Variants in KLF7 observed in about 807,000 individuals in gnomAD.
KLF7 encodes KLF transcription factor 7.
Under a neutral mutation model 27.3 loss-of-function variants are expected in KLF7, and 2 were observed. The ratio of observed to expected loss-of-function variants is 0.07; its 90% CI spans 0.03 to 0.23. KLF7 has a LOEUF of 0.23. Among genes scored for constraint, KLF7 ranks in the 10% least tolerant of loss-of-function variants. The pLI, the probability that KLF7 is intolerant of heterozygous loss-of-function variation, is 1.00. For missense variants in KLF7, 221 were observed against 394.1 expected (o/e 0.56, Z 3.72); for synonymous variants, 165 against 162.4 (o/e 1.02, Z -0.12).
intron 1 of KLF7, 133 bp downstream of exon 1, chr2:207,165,334 C>T (rs367722003): frequency 5.4e-6 from 7 of 1,299,816 alleles, no homozygotes; most frequent in Middle Eastern, 1.9e-4. Context: ...ACATTTTCAA[C>T]AACAGACAGC....
upstream of KLF7, among the ~76,000 whole-genome samples, chr2:207,168,395 T>G (rs886404726): frequency 2.5e-4 from 38 of 152,188 alleles, no homozygotes; most frequent in Middle Eastern, 3.2e-3. Flanking sequence ...TCCCCAACTT[T>G]ATGGATGAAG....
Position 207,079,926 on chromosome 2 carries a change from C to CT in KLF7, c.*1286dup, listed in dbSNP as rs2076240000. On this transcript the variant is annotated 3_prime_UTR_variant, in exon 4 of 4. Coordinates refer to ENST00000309446, the MANE Select transcript of KLF7 (RefSeq NM_003709.4). The stretch of plus-strand genomic sequence containing the variant: ...GGCATGACAGAGAAGACAGGATGAT[C>CT]TTTTGTGAAGCCACTAGACTTGGGA... The CT allele has an allele frequency of 6.6e-6, 1 of 152,182 alleles. No individual in the cohort carries two copies. The highest frequency in any genetic ancestry group is 6.5e-5 in the Admixed American group (1 of 15,282). 9.4% of individuals were successfully genotyped at this position (152,182 alleles called of 1,614,324 possible).
In KLF7 at chr2:207,076,185, C is replaced by T. The variant is rs2076173862; in HGVS notation, c.*5028G>A. The stretch of plus-strand genomic sequence containing the variant: ...ATATATACCACCCTCATTATGCTGA[C>T]GTGGGGTCCATCTTATGGCAGTAGA... On this transcript the variant is annotated 3_prime_UTR_variant, in exon 4 of 4. Coordinates refer to ENST00000309446, the MANE Select transcript of KLF7 (RefSeq NM_003709.4). 1 of 152,102 alleles carries T rather than the reference C, an allele frequency of 6.6e-6. No homozygotes were observed. The highest frequency in any genetic ancestry group is 2.4e-5 in the African/African-American group (1 of 41,402). The allele number at this position is 152,102 out of a possible 1,614,324, so 9.4% of individuals were successfully genotyped here. A position where few individuals can be genotyped will look rare whatever the true frequency, so the allele number is the denominator to read the frequency against.
intron 2 of KLF7, among the ~76,000 whole-genome samples, chr2:207,089,058 G>A (rs2076452821): frequency 6.6e-6 from 1 of 152,100 alleles, no homozygotes. Context: ...CCTACCACAA[G>A]CTGCAGCCAG....
At chr2:207,088,387 G>A (rs1346690833) in intron 3 of KLF7, 71 bp downstream of exon 3, 20 of 1,538,910 alleles carry the variant, frequency 1.3e-5, no homozygotes, top group East Asian at 1.1e-4. Context: ...CCAAGCACAC[G>A]GGTGCTGCTC....
At chr2:207,130,140 CT>C (rs2077586340) in intron 1 of KLF7, among the ~76,000 whole-genome samples, 1 of 24,510 alleles carries the variant, frequency 4.1e-5, no homozygotes, top group African/African-American at 9.9e-5. Context: ...TAAAGGGTTT[CT>C]TTCCTTCACC....
upstream of KLF7, among the ~76,000 whole-genome samples, chr2:207,171,018 A>C (rs963458726): frequency 5.3e-5 from 8 of 150,314 alleles, no homozygotes; most frequent in Non-Finnish European, 1.0e-4. Context: ...GGGCAAAGTA[A>C]ATTAACAACC....
At chr2:207,085,843 C>T (rs1297869557) in intron 3 of KLF7, among the ~76,000 whole-genome samples, 2 of 152,112 alleles carry the variant, frequency 1.3e-5, no homozygotes, top group Non-Finnish European at 2.9e-5. Flanking sequence ...ATGGCTATGG[C>T]AAATGGGTAA....
At chr2:207,143,056 C>G (rs546881835) in intron 1 of KLF7, among the ~76,000 whole-genome samples, 9 of 152,276 alleles carry the variant, frequency 5.9e-5, no homozygotes, top group African/African-American at 1.7e-4. Context: ...TCATTCAAGG[C>G]ATTTTCTTTT....
At chr2:207,144,819 G>C (rs2078051199) in intron 1 of KLF7, among the ~76,000 whole-genome samples, 1 of 152,158 alleles carries the variant, frequency 6.6e-6, no homozygotes, top group African/African-American at 2.4e-5. Flanking sequence ...AGTCGTGGTT[G>C]GCTTCAGCTT....
intron 1 of KLF7, among the ~76,000 whole-genome samples, chr2:207,146,606 C>T (rs756540111): frequency 9.2e-5 from 14 of 152,148 alleles, no homozygotes; most frequent in Non-Finnish European, 1.6e-4. Context: ...GGGATCTCCA[C>T]TCCCACAAGT....
intron 1 of KLF7, among the ~76,000 whole-genome samples, chr2:207,132,661 T>G (rs1372555391): frequency 6.6e-6 from 1 of 152,240 alleles, no homozygotes; most frequent in Non-Finnish European, 1.5e-5. Flanking sequence ...CAAGGATTCC[T>G]TAGTTGCAGT....
chr2:207,172,378 C>T, the KLF7 span, among the ~76,000 whole-genome samples: 1 of 152,176 alleles, frequency 6.6e-6, no homozygotes, highest in Admixed American at 6.5e-5. Flanking sequence ...CTTTATCCCA[C>T]CTAAGCACTA....
At chr2:207,122,368 G>A (rs2077362472) in intron 2 of KLF7, among the ~76,000 whole-genome samples, 1 of 152,056 alleles carries the variant, frequency 6.6e-6, no homozygotes, top group African/African-American at 2.4e-5. Flanking sequence ...GTCCTGGTGT[G>A]CAAGGAAGCA....
At chr2:207,103,054 AGT>A (rs1392465515) in intron 2 of KLF7, among the ~76,000 whole-genome samples, 1 of 152,066 alleles carries the variant, frequency 6.6e-6, no homozygotes, top group Non-Finnish European at 1.5e-5. Flanking sequence ...CAGCCTCCTG[AGT>A]AGCTGGGATT....
chr2:207,124,294 C>A lies in KLF7; in HGVS notation c.213G>T (p.Glu71Asp). The change falls in exon 2 of 4, where the codon GAG becomes GAT. Residue 71 changes from glutamate (E) to aspartate (D), a missense_variant. Glu to Asp is a conservative substitution (Grantham distance 45). Coordinates refer to ENST00000309446, the MANE Select transcript of KLF7 (RefSeq NM_003709.4). ...FLHASPPPCIEESFRRLDPLL... is the reference protein window; with the variant it reads ...FLHASPPPCIDESFRRLDPLL... ...GGGGGTCTAAGCGACGGAAGCTTTC[C>A]TCAATGCACGGGGGAGGGGAAGCGT... 2 of 1,614,028 alleles carry A rather than the reference C, an allele frequency of 1.2e-6. No homozygotes were observed. The highest frequency in any genetic ancestry group is 1.7e-6 in the Non-Finnish European group (2 of 1,179,962).
At chr2:207,107,540 T>C (rs1177990141) in intron 2 of KLF7, among the ~76,000 whole-genome samples, 1 of 152,216 alleles carries the variant, frequency 6.6e-6, no homozygotes, top group Non-Finnish European at 1.5e-5. Flanking sequence ...ATAGGCCCAG[T>C]GTAATAATAA....
chr2:207,143,681 T>A (rs1266524136), intron 1 of KLF7, among the ~76,000 whole-genome samples: 1 of 152,182 alleles, frequency 6.6e-6, no homozygotes, highest in Non-Finnish European at 1.5e-5. Context: ...TGGATTTGGC[T>A]ATGGAGCTAC....
intron 1 of KLF7, among the ~76,000 whole-genome samples, chr2:207,151,863 T>A (rs1172067872): frequency 6.6e-6 from 1 of 152,154 alleles, no homozygotes; most frequent in East Asian, 1.9e-4. Context: ...GTAATTTTTT[T>A]AAATGGCTTT....
Sources: allele counts gnomAD v4.1 joint callset (sites outside exome capture counted in the v4.1 genomes callset), GRCh38; gene constraint gnomAD v4.1.1; transcripts MANE v1.5; gene names NCBI Gene and HGNC (gene_info 2026-07-23, HGNC 2026-07-21).